The following TGM4 variants were observed in gnomAD, a reference collection of about 807,000 sequenced individuals.
TGM4 encodes the protein transglutaminase 4.
A neutral mutation model predicts 76.3 loss-of-function variants in TGM4; 61 were observed. The ratio of observed to expected loss-of-function variants is 0.80; its 90% CI spans 0.65 to 0.99. The LOEUF is 0.99. TGM4 is among the 50% of genes least tolerant of loss of function. The pLI, the probability that TGM4 is intolerant of heterozygous loss-of-function variation, is 0.00. For missense variants in TGM4, 794 were observed against 843.2 expected (o/e 0.94, Z 0.72); for synonymous variants, 337 against 329.8 (o/e 1.02, Z -0.24).
At chr3:44,883,572 G>A (rs548580361) in intron 1 of TGM4, among the ~76,000 whole-genome samples, 13 of 152,286 alleles carry the variant, frequency 8.5e-5, no homozygotes, top group South Asian at 2.1e-4. Flanking sequence ...GCTAGCCATC[G>A]GCCCACCCCA....
At chr3:44,874,987 G>A (rs1699432162) in intron 1 of TGM4, among the ~76,000 whole-genome samples, 1 of 152,186 alleles carries the variant, frequency 6.6e-6, no homozygotes, top group South Asian at 2.1e-4. Context: ...TTCTCGATCA[G>A]TGGACAGATA....
intron 1 of TGM4, among the ~76,000 whole-genome samples, chr3:44,883,678 G>C (rs139498503): frequency 6.6e-6 from 1 of 152,192 alleles, no homozygotes; most frequent in Non-Finnish European, 1.5e-5. Context: ...GGCCCTGTGC[G>C]CAGTGTGAAG....
Position 44,913,809 on chromosome 3 carries a change from T to C in TGM4, c.*84T>C. The C allele has an allele frequency of 6.5e-7, 1 of 1,532,760 alleles. No homozygotes were observed. Among genetic ancestry groups the C allele is most frequent in the Non-Finnish European group, 8.8e-7 (1 of 1,142,310 alleles). The allele number at this position is 1,532,760 out of a possible 1,614,324, so 94.9% of individuals were successfully genotyped here. A position where few individuals can be genotyped will look rare whatever the true frequency, so the allele number is the denominator to read the frequency against. ...GCTTTCAGATTATGGATGATTAAAT[T>C]TGATGACTTATATGAGGGCAGATTC... On this transcript the variant is annotated 3_prime_UTR_variant, in exon 14 of 14. Transcript: ENST00000296125.
At chr3:44,898,592 C>G (rs1004848644) in intron 6 of TGM4, among the ~76,000 whole-genome samples, 3 of 152,196 alleles carry the variant, frequency 2.0e-5, no homozygotes, top group African/African-American at 7.2e-5. Context: ...GCTGCTCTTG[C>G]CATCTGTGGG....
rs777497045 is a variant in TGM4 at position 44,910,094 on chromosome 3, C to T, written c.1332C>T (p.Ser444=). The T allele has an allele frequency of 6.2e-7, 1 of 1,613,738 alleles. No homozygotes were observed. The highest frequency in any genetic ancestry group is 1.7e-5 in the Admixed American group (1 of 60,006). Residue 444 remains serine, a synonymous_variant, in exon 11 of 14, where the codon TCC becomes TCT. Transcript: ENST00000296125. ...CTGCCTTTGTGTCTCTTTCAGGCTC[C>T]TCTGAGGAGAGGCAGGTCATGGATC... is the stretch of plus-strand genomic sequence containing the variant. The part of the protein sequence containing the change: ...ITYEYKYPEG[S]SEERQVMDHA...
At chr3:44,885,290 G>T (rs777885331) in intron 1 of TGM4, 35 bp from the exon 2 acceptor site, 21 of 1,568,884 alleles carry the variant, frequency 1.3e-5, no homozygotes, top group Non-Finnish European at 1.8e-5. Context: ...AACATTCTCT[G>T]TGCTCTCTTT....
At chr3:44,913,535 C>CAT (rs1559622929) in intron 13 of TGM4, 49 bp from the exon 14 acceptor site, 4 of 1,580,348 alleles carry the variant, frequency 2.5e-6, no homozygotes, top group Non-Finnish European at 3.4e-6. Flanking sequence ...TCCCTCTTCC[C>CAT]ATAACATCCT....
chr3:44,910,284 G>T lies in TGM4; in HGVS notation c.1522G>T (p.Gly508Cys), dbSNP rs1699985085. 6.2e-7 allele frequency: 1 copy of T among 1,614,084 alleles called. No homozygotes were observed. Among genetic ancestry groups the T allele is most frequent in the Non-Finnish European group, 8.5e-7 (1 of 1,180,016 alleles). ...TGCCCTACAGAATGTCAACATCTTG[G>T]GCTCCTTTGAACTACAGTTGTACAC... ...TAALQNVNIL[G>C]SFELQLYTGK... The change falls in exon 11 of 14, where the codon GGC (glycine) becomes TGC (cysteine). Residue 508 changes from glycine (G) to cysteine (C), a missense_variant. Physicochemically the swap from Gly to Cys is radical, Grantham distance 159. Transcript: ENST00000296125.
rs986521435 is a variant in TGM4, at chr3:44,896,338, C to G, written c.550-371C>G. Reference sequence around the variant, plus strand: ...GTTGGTCAGGCTGGTCTTGAGCATCCGACCTCAGGTGATCCACCTGCCTCG... The same window carrying G: ...GTTGGTCAGGCTGGTCTTGAGCATCGGACCTCAGGTGATCCACCTGCCTCG... On this transcript the variant is annotated intron_variant, in intron 5 of 13. Transcript: ENST00000296125. 3.3e-5 allele frequency among the ~76,000 whole-genome samples: 5 copies of G among 152,248 alleles called. No homozygotes were observed. In the East Asian group the frequency reaches 9.7e-4, roughly 29 times the overall value.
At chr3:44,890,486 A>T in intron 3 of TGM4, 117 bp from the exon 4 acceptor site, 1 of 1,438,692 alleles carries the variant, frequency 7.0e-7, no homozygotes. Flanking sequence ...CCTTGTCTCC[A>T]GGCTGGTTCC....
In TGM4 at chr3:44,902,526, G is replaced by A. The variant is rs191725995; in HGVS notation, c.971+595G>A. 6.7e-4 allele frequency among the ~76,000 whole-genome samples: 102 copies of A among 152,198 alleles called. 1 individual carries two copies. Among genetic ancestry groups the A allele is most frequent in the Non-Finnish European group, 1.1e-3 (74 of 67,994 alleles). On this transcript the variant is annotated intron_variant, in intron 8 of 13. Transcript: ENST00000296125. Reference sequence around the variant, plus strand: ...GAGGCAGGAGAATCACTTGAACCCGGGAGGCAGAGGTTGCAGTGAGCCGAG... The same window carrying A: ...GAGGCAGGAGAATCACTTGAACCCGAGAGGCAGAGGTTGCAGTGAGCCGAG...
At chr3:44,888,968 A>G (rs1699650324) in intron 3 of TGM4, 1 of 152,076 alleles carries the variant, frequency 6.6e-6, no homozygotes, top group Non-Finnish European at 1.5e-5. Flanking sequence ...CCCACCAGCA[A>G]AATAATGACA....
At chr3:44,884,460 T>A (rs1337272207) in intron 1 of TGM4, among the ~76,000 whole-genome samples, 1 of 152,170 alleles carries the variant, frequency 6.6e-6, no homozygotes, top group African/African-American at 2.4e-5. Context: ...AATGTACTTT[T>A]CACTTTAGCA....
intron 1 of TGM4, among the ~76,000 whole-genome samples, chr3:44,884,595 A>T (rs1001638843): frequency 2.0e-5 from 3 of 152,024 alleles, no homozygotes; most frequent in Admixed American, 2.0e-4. Flanking sequence ...ACAGCCTCCC[A>T]AAGTGCTGGG....
Position 44,914,830 on chromosome 3 carries a change from A to AT in TGM4, c.*1109dup, listed in dbSNP as rs1700064568. On this transcript the variant is annotated 3_prime_UTR_variant, in exon 14 of 14. Transcript: ENST00000296125. ...AAGGCACGTAGCTTGAATGAGGGTT[A>AT]TTTTGTGTCTAATTCACAGGAGAGT... 6.6e-6 allele frequency: 1 copy of AT among 152,084 alleles called. No homozygotes were observed. The highest frequency in any genetic ancestry group is 2.4e-5 in the African/African-American group (1 of 41,380). The allele number at this position is 152,084 out of a possible 1,614,324, so 9.4% of individuals were successfully genotyped here.
At chr3:44,881,852 G>A (rs544626691) in intron 1 of TGM4, among the ~76,000 whole-genome samples, 1 of 152,182 alleles carries the variant, frequency 6.6e-6, no homozygotes, top group Admixed American at 6.5e-5. Flanking sequence ...ATCCATTGCA[G>A]AGACTTTTGT....
chr3:44,901,848 C>T lies in TGM4; in HGVS notation c.888C>T (p.His296=), dbSNP rs1195447285. The T allele has an allele frequency of 8.1e-6, 13 of 1,614,036 alleles. No individual in the cohort carries two copies. Among genetic ancestry groups the T allele is most frequent in the Middle Eastern group, 1.6e-4 (1 of 6,084 alleles). The change falls in exon 8 of 14, where the codon CAC becomes CAT. Residue 296 remains histidine (H), a synonymous_variant. Coordinates refer to ENST00000296125, the MANE Select transcript of TGM4 (RefSeq NM_003241.4). The part of the protein sequence containing the change: ...ARSVTGFDSA[H]DTERNLTVDT... ...GTGTGACAGGCTTCGATTCAGCTCA[C>T]GACACAGAAAGGAACCTCACGGTGG... is the stretch of plus-strand genomic sequence containing the variant.
intron 1 of TGM4, among the ~76,000 whole-genome samples, chr3:44,875,179 A>G (rs1699435261): frequency 6.6e-6 from 1 of 152,222 alleles, no homozygotes; most frequent in Admixed American, 6.5e-5. Flanking sequence ...TATCCAACCC[A>G]CAGATTTTAT....
chr3:44,914,001 T>A lies in TGM4; in HGVS notation c.*276T>A, dbSNP rs150933983. The A allele has an allele frequency of 0.029, 10,362 of 356,434 alleles. 212 individuals are homozygous for A. The highest frequency in any genetic ancestry group is 0.057 in the Middle Eastern group (70 of 1,218). The allele number at this position is 356,434 out of a possible 1,614,324, so 22.1% of individuals were successfully genotyped here. ...TGGCCTCAAAAATCAGGGCCACCATTGTCTCAATTCAAATCCATAGATTTC... is the reference window on the plus strand; with the variant it reads ...TGGCCTCAAAAATCAGGGCCACCATAGTCTCAATTCAAATCCATAGATTTC... On this transcript the variant is annotated 3_prime_UTR_variant, in exon 14 of 14. Transcript: ENST00000296125.
Sources: allele counts gnomAD v4.1 joint callset (sites outside exome capture counted in the v4.1 genomes callset), GRCh38; gene constraint gnomAD v4.1.1; transcripts MANE v1.5; gene names NCBI Gene and HGNC (gene_info 2026-07-23, HGNC 2026-07-21).